PCDH17: variants seen among roughly 807,000 people sequenced by gnomAD.
The protein encoded by PCDH17 is protocadherin 17, also known as protocadherin-17.
PCDH17 carries 21 observed loss-of-function variants against 67.7 expected under a neutral mutation model. The ratio of observed to expected loss-of-function variants is 0.31; its 90% confidence interval spans 0.22 to 0.45. The LOEUF is 0.45. Ranked by LOEUF, PCDH17 falls within the 20% of genes least tolerant of loss-of-function variation. The probability of loss-of-function intolerance (pLI) is 1.00; values close to 1 mark genes in which losing one functional copy is unlikely to be tolerated. For missense variants in PCDH17, 1,471 were observed against 1,564.8 expected, an observed-to-expected ratio of 0.94 and a Z score of 1.01; for synonymous variants, 701 against 656.7, an observed-to-expected ratio of 1.07 and a Z score of -1.03.
intron 3 of PCDH17, among the ~76,000 whole-genome samples, chr13:57,671,941 ATTCT>A: frequency 1.3e-5 from 2 of 152,010 alleles, no homozygotes; most frequent in African/African-American, 4.8e-5. Context: ...TACCATTCTA[ATTCT>A]TTCTCATTTT....
intron 3 of PCDH17, among the ~76,000 whole-genome samples, chr13:57,704,299 C>T (rs532048262): frequency 6.6e-6 from 1 of 152,162 alleles, no homozygotes; most frequent in African/African-American, 2.4e-5. Context: ...ATTATGTCTT[C>T]ATGACTTTTT....
At chr13:57,646,957 G>A (rs1954973217) in intron 1 of PCDH17, among the ~76,000 whole-genome samples, 1 of 151,832 alleles carries the variant, frequency 6.6e-6, no homozygotes, top group African/African-American at 2.4e-5. Flanking sequence ...ACTACAAGAA[G>A]CCCTGTGTGC....
chr13:57,668,028 T>A (rs1285582267), intron 3 of PCDH17, among the ~76,000 whole-genome samples: 1 of 151,636 alleles, frequency 6.6e-6, no homozygotes, highest in Non-Finnish European at 1.5e-5. Context: ...GCTAGACCGA[T>A]GACTTTTTTC....
chr13:57,681,377 A>T (rs1955449225), intron 3 of PCDH17, among the ~76,000 whole-genome samples: 1 of 151,866 alleles, frequency 6.6e-6, no homozygotes, highest in Non-Finnish European at 1.5e-5. Flanking sequence ...GTACTTCAGC[A>T]CCACCTATAG....
intron 1 of PCDH17, among the ~76,000 whole-genome samples, chr13:57,656,396 G>T (rs1301586648): frequency 6.6e-6 from 1 of 152,006 alleles, no homozygotes; most frequent in African/African-American, 2.4e-5. Flanking sequence ...TTAAGAAAAT[G>T]TATCTACCAT....
chr13:57,667,425 A>G (rs1955267888), intron 3 of PCDH17, among the ~76,000 whole-genome samples: 1 of 151,988 alleles, frequency 6.6e-6, no homozygotes, highest in Non-Finnish European at 1.5e-5. Flanking sequence ...TTTATCTCTA[A>G]TTTATTCATC....
At chr13:57,712,750 C>A (rs1955787661) in intron 3 of PCDH17, among the ~76,000 whole-genome samples, 1 of 151,384 alleles carries the variant, frequency 6.6e-6, no homozygotes, top group Non-Finnish European at 1.5e-5. Context: ...TTAATTAGTT[C>A]TTCTGTTATA....
intron 2 of PCDH17, 38 bp downstream of exon 2, chr13:57,666,564 T>C: frequency 6.2e-7 from 1 of 1,609,592 alleles, no homozygotes. Context: ...GCTTCCCCAT[T>C]TGCATTCGTG....
chr13:57,707,887 G>C lies in PCDH17; in HGVS notation c.2798-16725G>C, dbSNP rs1039840874. Among the ~76,000 whole-genome samples, 3 of 151,868 alleles carry C rather than the reference G, an allele frequency of 2.0e-5. No individual in the cohort carries two copies. In the East Asian group the frequency reaches 5.8e-4, roughly 29 times the overall value. ...TCTTCTTACAAGGACACAAGTCTTT[G>C]GATTAAGGCCAACTCTATTCCAGTA... On this transcript the variant is annotated intron_variant, in intron 3 of 3. Transcript: ENST00000377918.
At chr13:57,630,132 G>GAGC (rs1391750820), upstream of PCDH17, among the ~76,000 whole-genome samples, 2 of 152,222 alleles carry the variant, frequency 1.3e-5, no homozygotes, top group Non-Finnish European at 2.9e-5. Context: ...GCTGGGGAGA[G>GAGC]AGCAGGGATC....
intron 3 of PCDH17, among the ~76,000 whole-genome samples, chr13:57,689,995 G>A (rs955058127): frequency 6.6e-6 from 1 of 151,768 alleles, no homozygotes; most frequent in African/African-American, 2.4e-5. Flanking sequence ...TGTTTTAAAG[G>A]ATGTGAATAT....
At chr13:57,670,775 C>T (rs1955310778) in intron 3 of PCDH17, among the ~76,000 whole-genome samples, 1 of 151,746 alleles carries the variant, frequency 6.6e-6, no homozygotes, top group African/African-American at 2.4e-5. Context: ...TCAAATATTA[C>T]TTTCTCATCT....
rs2138110366 is a variant in PCDH17 at position 57,726,763 on chromosome 13, C to A, written c.*1469C>A. The A allele has an allele frequency of 6.6e-6, 1 of 152,342 alleles. No individual in the cohort carries two copies. Among genetic ancestry groups the A allele is most frequent in the Middle Eastern group, 3.4e-3 (1 of 294 alleles). 9.4% of individuals were successfully genotyped at this position (152,342 alleles called of 1,614,324 possible). On this transcript the variant is annotated 3_prime_UTR_variant, in exon 4 of 4. Coordinates refer to ENST00000377918, the MANE Select transcript of PCDH17 (RefSeq NM_001040429.3). ...ATGTTTTTTCAATAACATACAGCTT[C>A]TGCCTGTGTAGATATTATGCCATCA...
intron 3 of PCDH17, among the ~76,000 whole-genome samples, chr13:57,716,696 T>C (rs1410025617): frequency 6.6e-6 from 1 of 151,948 alleles, no homozygotes; most frequent in Admixed American, 6.6e-5. Context: ...TACTTTTTAG[T>C]TTCCAATCAA....
chr13:57,687,004 C>A (rs1438635114), intron 3 of PCDH17, among the ~76,000 whole-genome samples: 1 of 151,944 alleles, frequency 6.6e-6, no homozygotes. Flanking sequence ...AAATGCATAA[C>A]TAAGTATTAG....
At chr13:57,708,376 A>G in intron 3 of PCDH17, among the ~76,000 whole-genome samples, 1 of 152,024 alleles carries the variant, frequency 6.6e-6, no homozygotes, top group Non-Finnish European at 1.5e-5. Context: ...ATTTGGCAAG[A>G]ACTAGTGCTT....
rs1479280322 is a variant in PCDH17, at chr13:57,633,003, C to T, written c.457C>T (p.Leu153Phe). Residue 153 changes from leucine (L) to phenylalanine (F), a missense_variant, in exon 1 of 4, where the codon CTC becomes TTC. Leu to Phe is a conservative substitution (Grantham distance 22, BLOSUM62 0). Around this residue, in one of 3 missense-constraint regions of PCDH17, gnomAD observed 1,163 missense variants for 1,230.0 expected, o/e 0.95. Transcript: ENST00000377918. The surrounding 1 kb of genome is among the most constrained non-coding windows in gnomAD (Gnocchi z 6.2). The part of the protein sequence containing the change: ...ENAAPGTRFP[L>F]TSAHDPDAGE... ...CGCTGCTCCGGGCACCCGCTTCCCC[C>T]TCACCAGCGCACATGACCCCGACGC... The T allele has an allele frequency of 1.9e-6, 3 of 1,613,186 alleles. No individual in the cohort carries two copies. Among genetic ancestry groups the T allele is most frequent in the African/African-American group, 1.3e-5 (1 of 75,028 alleles).
chr13:57,673,093 C>T (rs1307408503), intron 3 of PCDH17, among the ~76,000 whole-genome samples: 3 of 151,948 alleles, frequency 2.0e-5, no homozygotes, highest in African/African-American at 7.2e-5. Context: ...GAAGACCTTC[C>T]TCTGGAGCCT....
At chr13:57,704,742 A>G (rs765201872) in intron 3 of PCDH17, among the ~76,000 whole-genome samples, 6 of 152,102 alleles carry the variant, frequency 3.9e-5, no homozygotes, top group Non-Finnish European at 5.9e-5. Flanking sequence ...ACTTTGAACA[A>G]TATCACAAAA....
Sources: gnomAD v4.1 joint callset for allele counts (sites outside exome capture counted in the v4.1 genomes callset) on GRCh38, gnomAD v4.1.1 for gene constraint, gnomAD v4.1.1 regional missense constraint, Gnocchi (gnomAD v3.1) non-coding constraint, MANE v1.5 for transcripts, NCBI Gene and HGNC (gene_info 2026-07-23, HGNC 2026-07-21) for gene names.